Variants in DSC2 observed in about 807,000 individuals in gnomAD.
DSC2 encodes the protein desmocollin 2, also known as desmocollin-2.
Under a neutral mutation model 87.6 loss-of-function variants are expected in DSC2, and 51 were observed. The observed-to-expected ratio is 0.58, with a 90% CI of 0.46 to 0.74. DSC2 has a LOEUF of 0.74. Among genes scored for constraint, DSC2 ranks in the 30% least tolerant of loss-of-function variants. The pLI is 0.00. For synonymous variants in DSC2, 383 were observed against 393.2 expected, an observed-to-expected ratio of 0.97 and a Z score of 0.31; for missense variants, 1,066 against 1,089.5, an observed-to-expected ratio of 0.98 and a Z score of 0.30.
intron 1 of DSC2, among the ~76,000 whole-genome samples, chr18:31,095,392 C>G (rs1987732249): frequency 6.6e-6 from 1 of 152,106 alleles, no homozygotes; most frequent in Admixed American, 6.6e-5. Context: ...CAAAGAGAAG[C>G]AACAGCCTGA....
intron 11 of DSC2, among the ~76,000 whole-genome samples, chr18:31,075,383 C>T (rs1986981370): frequency 1.3e-5 from 2 of 152,098 alleles, no homozygotes; most frequent in African/African-American, 4.8e-5. Flanking sequence ...ATAGGTAGCA[C>T]TTAGGTTTTG....
intron 15 of DSC2, 100 bp from the exon 16 acceptor site, chr18:31,068,312 A>AT: frequency 6.2e-7 from 1 of 1,613,724 alleles, no homozygotes; most frequent in Non-Finnish European, 8.5e-7. Flanking sequence ...TCATTGTTTA[A>AT]TTTTTAATCA....
rs565437248 is a variant in DSC2 at position 31,091,167 on chromosome 18, A to G, written c.355-20T>C. 1.2e-6 allele frequency: 2 copies of G among 1,613,270 alleles called. No individual in the cohort carries two copies. Among genetic ancestry groups the G allele is most frequent in the Non-Finnish European group, 1.7e-6 (2 of 1,179,372 alleles). On this transcript the variant is annotated intron_variant, in intron 3 of 15. Transcript: ENST00000280904. ...TAGGACCTCAATTCATAAGACAGGA[A>G]AAAATAATAAAGTCAATGACTACTT...
At chr18:31,088,301 C>T (rs887705823) in intron 5 of DSC2, among the ~76,000 whole-genome samples, 2 of 152,106 alleles carry the variant, frequency 1.3e-5, no homozygotes, top group East Asian at 3.8e-4. Flanking sequence ...TTGGGTAAGT[C>T]TTTTCAAAGA....
chr18:31,101,961 G>T lies in DSC2; in HGVS notation c.11C>A (p.Ala4Asp). The T allele has an allele frequency of 1.3e-6, 2 of 1,525,854 alleles. No homozygotes were observed. The highest frequency in any genetic ancestry group is 1.8e-6 in the Non-Finnish European group (2 of 1,142,306). 94.5% of individuals were successfully genotyped at this position (1,525,854 alleles called of 1,614,324 possible). MEAARPSGSWNGAL... is the reference protein window; with the variant it reads MEADRPSGSWNGAL... ...TCCGTTCCAGGAGCCGGAGGGGCGG[G>T]CTGCCTCCATGGAGAGGGCTCGGGG... Residue 4 changes from alanine to aspartate, a missense_variant, in exon 1 of 16, where the codon GCC (alanine) becomes GAC (aspartate). Transcript: ENST00000280904.
At chr18:31,083,182 A>C (rs1448529267) in intron 7 of DSC2, 122 bp from the exon 8 acceptor site, 2 of 1,107,944 alleles carry the variant, frequency 1.8e-6, no homozygotes, top group Non-Finnish European at 2.6e-6. Flanking sequence ...TACATTTCAC[A>C]GCATTCGTGT....
chr18:31,081,952 C>G (rs746842479), intron 9 of DSC2, among the ~76,000 whole-genome samples: 39 of 152,084 alleles, frequency 2.6e-4, no homozygotes, highest in Non-Finnish European at 1.6e-4. Context: ...AAAAGTCTGG[C>G]ACTGTCCCAG....
At position 31,080,645 on chromosome 18, in the gene DSC2, T is replaced by C. The variant is rs1789057; in HGVS notation, c.1264-293A>G. The stretch of plus-strand genomic sequence containing the variant: ...AGTGAGTTCTCACAAGATCTGGTTG[T>C]TCAAAAGTGTGTAGCACATCCCCCT... On this transcript the variant is annotated intron_variant, in intron 9 of 15. Transcript: ENST00000280904. 0.27 allele frequency among the ~76,000 whole-genome samples: 40,353 copies of C among 152,064 alleles called. 6,016 individuals are homozygous for C. The highest frequency in any genetic ancestry group is 0.41 in the East Asian group (2,125 of 5,152).
intron 11 of DSC2, among the ~76,000 whole-genome samples, chr18:31,076,974 C>A (rs1313575405): frequency 6.6e-6 from 1 of 152,108 alleles, no homozygotes; most frequent in Non-Finnish European, 1.5e-5. Flanking sequence ...GAATTTTAAA[C>A]CAAGTCAAAG....
rs79887529 is a variant in DSC2 at position 31,068,457 on chromosome 18, T to C, written c.2509-245A>G. On this transcript the variant is annotated intron_variant, in intron 15 of 15. Transcript: ENST00000280904. ...GCAGCAAGTATACAGGTGTTCATTT[T>C]ACATAGTCACTACTTTCCCTTTCAA... is the stretch of plus-strand genomic sequence containing the variant. 2.1e-3 allele frequency: 2,334 copies of C among 1,120,622 alleles called. 37 individuals carry two copies. The African/African-American group carries it at 0.029, about 14-fold the overall frequency. The allele number at this position is 1,120,622 out of a possible 1,614,324, so 69.4% of individuals were successfully genotyped here. A position where few individuals can be genotyped will look rare whatever the true frequency, so the allele number is the denominator to read the frequency against.
At chr18:31,097,185 G>A (rs1987787883) in intron 1 of DSC2, among the ~76,000 whole-genome samples, 2 of 151,868 alleles carry the variant, frequency 1.3e-5, no homozygotes, top group Non-Finnish European at 2.9e-5. Flanking sequence ...CTACTCGGGA[G>A]GCTGAGGGAG....
At chr18:31,086,115 A>G (rs1042890510) in intron 7 of DSC2, among the ~76,000 whole-genome samples, 4 of 152,186 alleles carry the variant, frequency 2.6e-5, no homozygotes, top group Non-Finnish European at 4.4e-5. Flanking sequence ...AAAAGAAGAC[A>G]AGTTAAATTT....
At chr18:31,100,800 A>C (rs1987917395) in intron 1 of DSC2, among the ~76,000 whole-genome samples, 1 of 152,174 alleles carries the variant, frequency 6.6e-6, no homozygotes, top group Admixed American at 6.5e-5. Context: ...CTTCTGCTTA[A>C]GACAAGGAGC....
chr18:31,069,040 T>C lies in DSC2; in HGVS notation c.2362A>G (p.Lys788Glu). ...GATTCCGAGGTCTGGTGTCCTCCTT[T>C]CACCATTTCGATGGTCTCCTGACCT... ...NGGQETIEMV[K>E]GGHQTSESCR... Residue 788 changes from lysine to glutamate, a missense_variant, in exon 15 of 16, where the codon AAA becomes GAA. By Grantham distance (56) the Lys-to-Glu change is moderately conservative. Coordinates refer to ENST00000280904, the MANE Select transcript of DSC2 (RefSeq NM_024422.6). 2 of 1,614,106 alleles carry C rather than the reference T, an allele frequency of 1.2e-6. No individual in the cohort carries two copies. Among genetic ancestry groups the C allele is most frequent in the Non-Finnish European group, 1.7e-6 (2 of 1,180,010 alleles).
At chr18:31,077,787 A>C (rs529819461) in intron 11 of DSC2, among the ~76,000 whole-genome samples, 1 of 152,336 alleles carries the variant, frequency 6.6e-6, no homozygotes, top group South Asian at 2.1e-4. Context: ...GATGCTCTTC[A>C]GTCAAATGTT....
rs201823570 is a variant in DSC2, at chr18:31,088,913, C to CA, written c.630+525dup. The stretch of plus-strand genomic sequence containing the variant: ...GCACGGTGGCTCAGTCCTGTAATCC[C>CA]AGCACTTTGGGAGGCCGACATGGGC... On this transcript the variant is annotated intron_variant, in intron 5 of 15. Transcript: ENST00000280904. 6.3e-3 allele frequency among the ~76,000 whole-genome samples: 963 copies of CA among 152,142 alleles called. 13 individuals carry two copies. The highest frequency in any genetic ancestry group is 0.021 in the African/African-American group (862 of 41,506).
rs141379407 is a variant in DSC2 at position 31,092,189 on chromosome 18, G to A, written c.266C>T (p.Ser89Leu). The A allele has an allele frequency of 4.1e-5, 66 of 1,613,430 alleles. No homozygotes were observed. The highest frequency in any genetic ancestry group is 2.2e-4 in the Admixed American group (13 of 59,980). Residue 89 changes from serine (S) to leucine (L), a missense_variant, in exon 3 of 16, where the codon TCG becomes TTG. Ser to Leu is a moderately radical substitution (Grantham distance 145). Coordinates refer to ENST00000280904, the MANE Select transcript of DSC2 (RefSeq NM_024422.6). Reference protein sequence around the residue: ...VYTTNTILLSSEKRSFTILLS... With the variant: ...VYTTNTILLSLEKRSFTILLS... ...TAATATGGTAAAACTTCTCTTCTCC[G>A]AGGACAATAGAATAGTATTTGTTGT...
At position 31,086,651 on chromosome 18, in the gene DSC2, T is replaced by C. The variant is rs1987408402; in HGVS notation, c.867A>G (p.Pro289=). The change falls in exon 7 of 16, where the codon CCA becomes CCG. Residue 289 remains proline, a synonymous_variant. Transcript: ENST00000280904. ...RLKYSIIGQV[P]PSPTLFSMHP... Reference sequence around the variant, plus strand: ...GCATAGAAAATAGGGTGGGTGATGGTGGCACCTGCCCAATGATGGAGTACT... The same window carrying C: ...GCATAGAAAATAGGGTGGGTGATGGCGGCACCTGCCCAATGATGGAGTACT... The C allele has an allele frequency of 6.2e-7, 1 of 1,614,084 alleles. No homozygotes were observed. Among genetic ancestry groups the C allele is most frequent in the South Asian group, 1.1e-5 (1 of 91,084 alleles).
At chr18:31,090,558 C>CA (rs971355927) in intron 4 of DSC2, among the ~76,000 whole-genome samples, 175 of 145,872 alleles carry the variant, frequency 1.2e-3, no homozygotes, top group African/African-American at 3.3e-3. Context: ...CTCATCGCTA[C>CA]AAAAAAAAAG....
Sources: allele counts gnomAD v4.1 joint callset (sites outside exome capture counted in the v4.1 genomes callset), GRCh38; gene constraint gnomAD v4.1.1; transcripts MANE v1.5; gene names NCBI Gene and HGNC (gene_info 2026-07-23, HGNC 2026-07-21).